The following PDCD1LG2 variants were observed in gnomAD, a reference collection of about 807,000 sequenced individuals.
PDCD1LG2 encodes programmed cell death 1 ligand 2.
A neutral mutation model predicts 28.2 loss-of-function variants in PDCD1LG2; 32 were observed. The observed-to-expected ratio is 1.13, with a 90% CI of 0.86 to 1.52. The LOEUF (loss-of-function observed/expected upper bound fraction) is 1.52. PDCD1LG2 is among the 40% of genes most tolerant of loss of function. The pLI is 0.00. For synonymous variants in PDCD1LG2, 116 were observed against 120.2 expected, an observed-to-expected ratio of 0.97 and a Z score of 0.23; for missense variants, 385 against 323.8, an observed-to-expected ratio of 1.19 and a Z score of -1.45.
chr9:5,515,040 A>G (rs1820130963), intron 1 of PDCD1LG2, among the ~76,000 whole-genome samples: 1 of 152,222 alleles, frequency 6.6e-6, no homozygotes, highest in Admixed American at 6.5e-5. Context: ...TACCACCCTC[A>G]TAAGTGATAA....
At chr9:5,555,099 A>G (rs758963258) in intron 4 of PDCD1LG2, among the ~76,000 whole-genome samples, 4 of 152,310 alleles carry the variant, frequency 2.6e-5, no homozygotes, top group African/African-American at 7.2e-5. Flanking sequence ...TTGCCATTGC[A>G]TCATTATATC....
intron 1 of PDCD1LG2, among the ~76,000 whole-genome samples, chr9:5,511,433 T>G (rs1820055752): frequency 6.6e-6 from 1 of 152,220 alleles, no homozygotes; most frequent in Non-Finnish European, 1.5e-5. Flanking sequence ...ACCGCCTGGA[T>G]GCACTGAGTA....
chr9:5,532,996 G>A (rs1820511065), intron 2 of PDCD1LG2, among the ~76,000 whole-genome samples: 1 of 152,186 alleles, frequency 6.6e-6, no homozygotes, highest in South Asian at 2.1e-4. Context: ...CTAATCCTGA[G>A]TCAGCATTTG....
intron 3 of PDCD1LG2, among the ~76,000 whole-genome samples, chr9:5,535,304 T>A (rs973515581): frequency 2.6e-5 from 4 of 152,158 alleles, no homozygotes; most frequent in Non-Finnish European, 5.9e-5. Flanking sequence ...GGAAAATTAG[T>A]CCCTGAAATG....
At chr9:5,534,417 C>G (rs991491743) in intron 2 of PDCD1LG2, among the ~76,000 whole-genome samples, 2 of 152,116 alleles carry the variant, frequency 1.3e-5, no homozygotes, top group African/African-American at 4.8e-5. Flanking sequence ...CTTGGGGGGT[C>G]AGGGACTGGA....
At chr9:5,544,090 C>G (rs1409884499) in intron 3 of PDCD1LG2, among the ~76,000 whole-genome samples, 2 of 152,202 alleles carry the variant, frequency 1.3e-5, no homozygotes, top group Admixed American at 1.3e-4. Context: ...TACATTTCAT[C>G]TTTATTTCAG....
At chr9:5,510,973 C>T (rs994722184) in intron 1 of PDCD1LG2, among the ~76,000 whole-genome samples, 170 bp downstream of exon 1, 5 of 152,142 alleles carry the variant, frequency 3.3e-5, no homozygotes, top group African/African-American at 4.8e-5. Context: ...GTCCTCCTGC[C>T]CCAGATTTCT....
intron 3 of PDCD1LG2, among the ~76,000 whole-genome samples, chr9:5,541,985 A>T (rs187162065): frequency 6.6e-6 from 1 of 152,328 alleles, no homozygotes; most frequent in East Asian, 1.9e-4. Context: ...AAAAATAGGC[A>T]CATAGACCAA....
At chr9:5,538,499 C>A (rs1357747862) in intron 3 of PDCD1LG2, among the ~76,000 whole-genome samples, 2 of 151,822 alleles carry the variant, frequency 1.3e-5, no homozygotes, top group East Asian at 3.9e-4. Flanking sequence ...TCCTGGCTAA[C>A]ATGGTGAAAC....
intron 1 of PDCD1LG2, among the ~76,000 whole-genome samples, chr9:5,516,707 G>A (rs1820171963): frequency 6.6e-6 from 1 of 152,250 alleles, no homozygotes; most frequent in Non-Finnish European, 1.5e-5. Context: ...AGAGGTCGAG[G>A]CAGCAGGGGG....
chr9:5,526,293 A>G (rs1820378139), intron 2 of PDCD1LG2, among the ~76,000 whole-genome samples: 1 of 152,224 alleles, frequency 6.6e-6, no homozygotes, highest in Non-Finnish European at 1.5e-5. Context: ...CTATAAGGTG[A>G]TTACTTTTGT....
intron 3 of PDCD1LG2, among the ~76,000 whole-genome samples, chr9:5,540,189 G>A (rs1027927061): frequency 7.9e-5 from 12 of 152,170 alleles, no homozygotes; most frequent in South Asian, 2.1e-4. Context: ...TGAACTGAAC[G>A]ATAATAGTGA....
intron 1 of PDCD1LG2, among the ~76,000 whole-genome samples, chr9:5,511,943 T>C (rs1391721349): frequency 8.5e-5 from 13 of 152,154 alleles, no homozygotes; most frequent in Non-Finnish European, 1.6e-4. Context: ...CATAGGTGCT[T>C]AGTGGGTGCT....
At chr9:5,563,102 C>G (rs941093664) in intron 5 of PDCD1LG2, 60 bp from the exon 6 acceptor site, 5 of 1,328,314 alleles carry the variant, frequency 3.8e-6, no homozygotes, top group Non-Finnish European at 5.4e-6. Context: ...ATATTTTAAT[C>G]TATAAGCCAA....
intron 4 of PDCD1LG2, among the ~76,000 whole-genome samples, chr9:5,553,105 C>T (rs1816370005): frequency 1.3e-5 from 2 of 151,886 alleles, no homozygotes; most frequent in South Asian, 4.2e-4. Context: ...GAGTGAGACT[C>T]TGTCTCCAAA....
chr9:5,515,588 A>G (rs987973876), intron 1 of PDCD1LG2, among the ~76,000 whole-genome samples: 3 of 152,178 alleles, frequency 2.0e-5, no homozygotes, highest in African/African-American at 4.8e-5. Flanking sequence ...GAGGAGACCC[A>G]CAATGGATAG....
intron 3 of PDCD1LG2, among the ~76,000 whole-genome samples, chr9:5,542,405 C>T (rs929121128): frequency 2.6e-5 from 4 of 152,202 alleles, no homozygotes; most frequent in Non-Finnish European, 4.4e-5. Flanking sequence ...AGACAACCCA[C>T]AGAGTGGGAG....
chr9:5,569,901 T>A lies in PDCD1LG2; in HGVS notation c.817-53T>A, dbSNP rs2129974832. On this transcript the variant is annotated intron_variant, in intron 6 of 6. Coordinates refer to ENST00000397747, the MANE Select transcript of PDCD1LG2 (RefSeq NM_025239.4). The surrounding 1 kb of genome is among the most constrained non-coding windows in gnomAD (Gnocchi z 4.1). ...TCACTCAAATTTTGGGGAGGTTATA[T>A]ATTTTCTAATCATAAAAAATGATTT... 6.3e-7 allele frequency: 1 copy of A among 1,589,912 alleles called. No homozygotes were observed. Among genetic ancestry groups the A allele is most frequent in the East Asian group, 2.2e-5 (1 of 44,774 alleles).
intron 1 of PDCD1LG2, among the ~76,000 whole-genome samples, chr9:5,515,946 A>AAAG (rs1820153169): frequency 6.7e-6 from 1 of 149,910 alleles, no homozygotes; most frequent in South Asian, 2.1e-4. Context: ...AAAAAAAAAA[A>AAAG]AAAGAAAAGA....
Sources: allele counts gnomAD v4.1 joint callset (sites outside exome capture counted in the v4.1 genomes callset), GRCh38; gene constraint gnomAD v4.1.1; non-coding constraint Gnocchi (gnomAD v3.1); transcripts MANE v1.5; gene names NCBI Gene and HGNC (gene_info 2026-07-23, HGNC 2026-07-21).